The following FNDC3B variants were observed in gnomAD, a reference collection of about 807,000 sequenced individuals.
FNDC3B encodes the protein fibronectin type III domain containing 3B, also known as fibronectin type III domain-containing protein 3B.
FNDC3B carries 12 observed loss-of-function variants against 151.5 expected under a neutral mutation model. The ratio of observed to expected loss-of-function variants is 0.08; its 90% CI spans 0.05 to 0.13. The LOEUF (loss-of-function observed/expected upper bound fraction) is 0.13, where lower values mean the gene tolerates loss of function less well. FNDC3B is among the 10% of genes least tolerant of loss of function. The probability of loss-of-function intolerance (pLI) is 1.00; values close to 1 mark genes in which losing one functional copy is unlikely to be tolerated. For synonymous variants in FNDC3B, 528 were observed against 549.0 expected (o/e 0.96, Z 0.54); for missense variants, 1,214 against 1,505.3 (o/e 0.81, Z 3.20).
chr3:172,400,029 A>G lies in FNDC3B; in HGVS notation c.*2554A>G, dbSNP rs1736495421. ...TTCAGTCAGAAAATTATTACTCTCT[A>G]TGGCACTGTTTTTTATCACAAATAT... On this transcript the variant is annotated 3_prime_UTR_variant, in exon 26 of 26. Coordinates refer to ENST00000415807, the MANE Select transcript of FNDC3B (RefSeq NM_022763.4). 7 of 152,742 alleles carry G rather than the reference A, an allele frequency of 4.6e-5. 1 individual carries two copies. In the South Asian group the frequency reaches 1.5e-3, roughly 32 times the overall value. The allele number at this position is 152,742 out of a possible 1,614,324, so 9.5% of individuals were successfully genotyped here.
At chr3:172,156,501 G>C (rs1180979461) in intron 3 of FNDC3B, among the ~76,000 whole-genome samples, 1 of 152,216 alleles carries the variant, frequency 6.6e-6, no homozygotes, top group Non-Finnish European at 1.5e-5. Flanking sequence ...GGCTGGCAGG[G>C]ATCTGCAGCC....
chr3:172,115,088 CACTGGGGCTCA>C (rs1720179021), intron 2 of FNDC3B, among the ~76,000 whole-genome samples: 1 of 152,210 alleles, frequency 6.6e-6, no homozygotes, highest in Non-Finnish European at 1.5e-5. Context: ...GCCTCTACAT[CACTGGGGCTCA>C]GCCTAGGCAG....
At chr3:172,105,889 T>A (rs945167995) in intron 1 of FNDC3B, among the ~76,000 whole-genome samples, 5 of 152,100 alleles carry the variant, frequency 3.3e-5, no homozygotes, top group African/African-American at 1.2e-4. Flanking sequence ...ACTGTGTCTG[T>A]GACAATATAT....
intron 3 of FNDC3B, among the ~76,000 whole-genome samples, chr3:172,212,684 G>A (rs1404853323): frequency 2.0e-5 from 3 of 152,242 alleles, no homozygotes; most frequent in Non-Finnish European, 4.4e-5. Context: ...AGGAAGCACA[G>A]AAATTATCAG....
chr3:172,345,687 TATGCCACCATTAAA>T (rs1268909768), intron 19 of FNDC3B, among the ~76,000 whole-genome samples: 6 of 151,894 alleles, frequency 4.0e-5, no homozygotes, highest in Admixed American at 1.3e-4. Flanking sequence ...AAGTATCAAA[TATGCCACCATTAAA>T]ATGGGTGGTT....
chr3:172,291,570 A>G (rs957063655), intron 7 of FNDC3B, among the ~76,000 whole-genome samples: 2 of 152,216 alleles, frequency 1.3e-5, no homozygotes, highest in Non-Finnish European at 2.9e-5. Flanking sequence ...GCAAATGTAT[A>G]CTAGTAACCT....
At chr3:172,373,663 G>C (rs760919980) in intron 23 of FNDC3B, among the ~76,000 whole-genome samples, 4 of 152,158 alleles carry the variant, frequency 2.6e-5, no homozygotes, top group Non-Finnish European at 4.4e-5. Flanking sequence ...CTTAGTCTTT[G>C]TAAAACAAAT....
intron 3 of FNDC3B, among the ~76,000 whole-genome samples, chr3:172,164,806 G>A (rs576187930): frequency 2.6e-5 from 4 of 152,258 alleles, no homozygotes; most frequent in Non-Finnish European, 5.9e-5. Flanking sequence ...ATCCTGTCAG[G>A]TGATTCGTGT....
At chr3:172,274,804 A>G (rs977753515) in intron 6 of FNDC3B, among the ~76,000 whole-genome samples, 1 of 152,000 alleles carries the variant, frequency 6.6e-6, no homozygotes, top group African/African-American at 2.4e-5. Flanking sequence ...TCTTCACATC[A>G]TCTTCCCTGT....
intron 2 of FNDC3B, among the ~76,000 whole-genome samples, chr3:172,128,263 C>T (rs931890082): frequency 6.6e-6 from 1 of 152,202 alleles, no homozygotes; most frequent in Non-Finnish European, 1.5e-5. Flanking sequence ...GCAATGGACA[C>T]ATTCACATCT....
At chr3:172,167,113 G>T (rs1347975351) in intron 3 of FNDC3B, among the ~76,000 whole-genome samples, 1 of 152,090 alleles carries the variant, frequency 6.6e-6, no homozygotes, top group African/African-American at 2.4e-5. Flanking sequence ...ATACACTTAA[G>T]GGCCGGGTAC....
intron 6 of FNDC3B, among the ~76,000 whole-genome samples, chr3:172,285,312 C>T (rs2108824700): frequency 6.6e-6 from 1 of 152,310 alleles, no homozygotes; most frequent in South Asian, 2.1e-4. Flanking sequence ...GCCACTGCAG[C>T]AATCCACTGA....
At chr3:172,063,529 T>C (rs1433508505) in intron 1 of FNDC3B, among the ~76,000 whole-genome samples, 2 of 152,302 alleles carry the variant, frequency 1.3e-5, no homozygotes, top group East Asian at 3.9e-4. Flanking sequence ...CTGAGGTTTC[T>C]ACTCTTTCCC....
intron 3 of FNDC3B, among the ~76,000 whole-genome samples, chr3:172,218,963 C>A (rs1466977281): frequency 1.3e-5 from 2 of 152,186 alleles, no homozygotes; most frequent in African/African-American, 2.4e-5. Flanking sequence ...GTTTAAGGAA[C>A]AAGAGATCTT....
At chr3:172,185,367 G>A (rs1312781203) in intron 3 of FNDC3B, among the ~76,000 whole-genome samples, 1 of 152,114 alleles carries the variant, frequency 6.6e-6, no homozygotes, top group Non-Finnish European at 1.5e-5. Context: ...AGAGAGAAGC[G>A]ATCCAGATAG....
chr3:172,210,923 A>T (rs976971799), intron 3 of FNDC3B, among the ~76,000 whole-genome samples: 5 of 152,170 alleles, frequency 3.3e-5, no homozygotes, highest in African/African-American at 1.2e-4. Context: ...TTTTATACAC[A>T]TTCTTAGTGA....
chr3:172,266,668 G>T (rs1487902033), intron 6 of FNDC3B, among the ~76,000 whole-genome samples: 1 of 152,142 alleles, frequency 6.6e-6, no homozygotes, highest in Non-Finnish European at 1.5e-5. Context: ...TCTTTTGCTT[G>T]TAGCCACATC....
chr3:172,307,814 T>A (rs934345424), intron 10 of FNDC3B, among the ~76,000 whole-genome samples: 2 of 152,226 alleles, frequency 1.3e-5, no homozygotes, highest in African/African-American at 2.4e-5. Context: ...AAGTTGTCAT[T>A]TCTGTAAGAG....
chr3:172,339,828 T>C (rs1181496208), intron 16 of FNDC3B, among the ~76,000 whole-genome samples: 1 of 152,172 alleles, frequency 6.6e-6, no homozygotes, highest in East Asian at 1.9e-4. Flanking sequence ...CCAGTCACCT[T>C]TTCAGTACAG....
Sources: allele counts gnomAD v4.1 joint callset (sites outside exome capture counted in the v4.1 genomes callset), GRCh38; gene constraint gnomAD v4.1.1; transcripts MANE v1.5; gene names NCBI Gene and HGNC (gene_info 2026-07-23, HGNC 2026-07-21).